CTNND1: variants seen among roughly 807,000 people sequenced by gnomAD.
CTNND1 encodes catenin delta 1.
A neutral mutation model predicts 112.1 loss-of-function variants in CTNND1; 16 were observed. The ratio of observed to expected loss-of-function variants is 0.14; its 90% CI spans 0.10 to 0.22. The LOEUF is 0.22. Ranked by LOEUF, CTNND1 falls within the 10% of genes least tolerant of loss-of-function variation. The pLI is 1.00. For synonymous variants in CTNND1, 420 were observed against 446.5 expected, an observed-to-expected ratio of 0.94 and a Z score of 0.75; for missense variants, 1,008 against 1,257.0, an observed-to-expected ratio of 0.80 and a Z score of 3.00.
At chr11:57,786,999 C>T (rs2060208583) in intron 1 of CTNND1, among the ~76,000 whole-genome samples, 2 of 152,278 alleles carry the variant, frequency 1.3e-5, no homozygotes, top group Non-Finnish European at 1.5e-5. Flanking sequence ...TGGCATAGAC[C>T]TGGGTTTAAA....
intron 1 of CTNND1, among the ~76,000 whole-genome samples, chr11:57,783,281 AAAAC>A (rs899627795): frequency 9.2e-5 from 14 of 151,824 alleles, no homozygotes; most frequent in African/African-American, 1.4e-4. Context: ...CTCCATCTCA[AAAAC>A]AAACAAACAA....
Position 57,819,037 on chromosome 11 carries a change from GAT to G in CTNND1, c.*2730_*2731del, listed in dbSNP as rs2064115828. The G allele has an allele frequency of 6.6e-6, 1 of 152,182 alleles. No individual in the cohort carries two copies. Among genetic ancestry groups the G allele is most frequent in the African/African-American group, 2.4e-5 (1 of 41,442 alleles). 9.4% of individuals were successfully genotyped at this position (152,182 alleles called of 1,614,324 possible). A position where few individuals can be genotyped will look rare whatever the true frequency, so the allele number is the denominator to read the frequency against. On this transcript the variant is annotated 3_prime_UTR_variant, in exon 21 of 21. Coordinates refer to ENST00000399050, the MANE Select transcript of CTNND1 (RefSeq NM_001085458.2). ...TACCAGGGACTATCTTTGCTGCAGA[GAT>G]CAAGGGTTAAGATCTATGGGAAGAT...
chr11:57,814,644 TA>T (rs2063745324), intron 18 of CTNND1, among the ~76,000 whole-genome samples: 1 of 152,190 alleles, frequency 6.6e-6, no homozygotes, highest in Non-Finnish European at 1.5e-5. Context: ...ATTATATTCC[TA>T]CCCCAGTCTC....
At chr11:57,804,858 AT>A in intron 9 of CTNND1, 78 bp downstream of exon 9, 2 of 1,015,644 alleles carry the variant, frequency 2.0e-6, no homozygotes, top group Non-Finnish European at 3.0e-6. Context: ...TCAGAGACCT[AT>A]CATCTCAGGC....
chr11:57,774,277 T>C (rs886532760), intron 1 of CTNND1, among the ~76,000 whole-genome samples: 2 of 152,216 alleles, frequency 1.3e-5, no homozygotes, highest in Admixed American at 6.5e-5. Flanking sequence ...TGGGATAGAA[T>C]ATGCAACCAG....
chr11:57,762,826 G>A (rs2135796948), intron 1 of CTNND1, among the ~76,000 whole-genome samples: 1 of 152,290 alleles, frequency 6.6e-6, no homozygotes, highest in South Asian at 2.1e-4. Context: ...TGTTAAATCT[G>A]CAAATACGAT....
intron 7 of CTNND1, among the ~76,000 whole-genome samples, chr11:57,803,183 C>A (rs1410465112): frequency 6.6e-6 from 1 of 152,344 alleles, no homozygotes; most frequent in African/African-American, 2.4e-5. Flanking sequence ...TCTCAGCTCA[C>A]CGCAAGCTCC....
chr11:57,774,028 C>T (rs1224436891), intron 1 of CTNND1, among the ~76,000 whole-genome samples: 1 of 152,094 alleles, frequency 6.6e-6, no homozygotes, highest in African/African-American at 2.4e-5. Context: ...CTTTTAATGC[C>T]ATTCTTCTTT....
In CTNND1 at chr11:57,794,093, G is replaced by C. The variant is rs752176301; in HGVS notation, c.267+12G>C. 1.7e-5 allele frequency: 27 copies of C among 1,612,844 alleles called. 1 individual carries two copies. The highest frequency in any genetic ancestry group is 2.2e-5 in the Non-Finnish European group (26 of 1,178,860). On this transcript the variant is annotated intron_variant, in intron 4 of 20. Transcript: ENST00000399050. Reference sequence around the variant, plus strand: ...TCAACGGACCCCAGGTAATTCTTTGGCTCAAGACCTGGGTTGCTTCATTCA... The same window carrying C: ...TCAACGGACCCCAGGTAATTCTTTGCCTCAAGACCTGGGTTGCTTCATTCA...
At position 57,808,474 on chromosome 11, in the gene CTNND1, G is replaced by T. The variant is rs749282566; in HGVS notation, c.2176G>T (p.Val726Leu). Residue 726 changes from valine to leucine, a missense_variant, in exon 14 of 21, where the codon GTG (valine) becomes TTG (leucine). Physicochemically the swap from Val to Leu is conservative, Grantham distance 32. Transcript: ENST00000399050. ...CCTCCTGACTAATGAACATGAACGG[G>T]TGGTGAAAGCTGCATCTGGAGCACT... ...ADLLTNEHERVVKAASGALRN... is the reference protein window; with the variant it reads ...ADLLTNEHERLVKAASGALRN... 6.2e-7 allele frequency: 1 copy of T among 1,613,030 alleles called. No homozygotes were observed. The highest frequency in any genetic ancestry group is 1.7e-5 in the Admixed American group (1 of 59,806).
At chr11:57,792,518 A>G (rs779090853) in intron 3 of CTNND1, among the ~76,000 whole-genome samples, 1 of 152,200 alleles carries the variant, frequency 6.6e-6, no homozygotes, top group Non-Finnish European at 1.5e-5. Context: ...TGGGAACCAG[A>G]ACAGTACTCA....
intron 1 of CTNND1, among the ~76,000 whole-genome samples, chr11:57,773,132 C>A (rs937674264): frequency 1.3e-5 from 2 of 151,648 alleles, no homozygotes; most frequent in Non-Finnish European, 2.9e-5. Flanking sequence ...ATTACTTCAT[C>A]ATATATAGAT....
At chr11:57,777,370 G>A (rs188592183) in intron 1 of CTNND1, among the ~76,000 whole-genome samples, 9 of 152,284 alleles carry the variant, frequency 5.9e-5, no homozygotes, top group Admixed American at 3.9e-4. Flanking sequence ...CCGGGCTCAA[G>A]TGATTCCCCT....
chr11:57,790,448 A>C, intron 2 of CTNND1, among the ~76,000 whole-genome samples: 1 of 143,414 alleles, frequency 7.0e-6, no homozygotes, highest in African/African-American at 2.6e-5. Context: ...CAATGGCGCG[A>C]TCTTGGCTCA....
chr11:57,803,556 T>C lies in CTNND1; in HGVS notation c.1421-65T>C, dbSNP rs1447113653. On this transcript the variant is annotated intron_variant, in intron 7 of 20. Coordinates refer to ENST00000399050, the MANE Select transcript of CTNND1 (RefSeq NM_001085458.2). ...GAAGTGATACGATAGGGGGATTCTCTTTGACGTTCTTCAGACATATTGTCT... is the reference window on the plus strand; with the variant it reads ...GAAGTGATACGATAGGGGGATTCTCCTTGACGTTCTTCAGACATATTGTCT... 6 of 1,289,796 alleles carry C rather than the reference T, an allele frequency of 4.7e-6. No homozygotes were observed. In the African/African-American group the frequency reaches 7.4e-5, roughly 16 times the overall value. The allele number at this position is 1,289,796 out of a possible 1,614,324, so 79.9% of individuals were successfully genotyped here. A position where few individuals can be genotyped will look rare whatever the true frequency, so the allele number is the denominator to read the frequency against.
At chr11:57,765,594 G>A (rs1269922053) in intron 1 of CTNND1, among the ~76,000 whole-genome samples, 3 of 150,746 alleles carry the variant, frequency 2.0e-5, no homozygotes, top group African/African-American at 4.9e-5. Flanking sequence ...AGTCTTCTGA[G>A]TAGCTAGGAC....
At chr11:57,762,400 T>C (rs1193476918) in intron 1 of CTNND1, among the ~76,000 whole-genome samples, 2 of 152,200 alleles carry the variant, frequency 1.3e-5, no homozygotes, top group African/African-American at 4.8e-5. Flanking sequence ...CTAACATATT[T>C]CTGTTTTCAG....
At chr11:57,776,562 A>G (rs1348170915) in intron 1 of CTNND1, among the ~76,000 whole-genome samples, 3 of 152,034 alleles carry the variant, frequency 2.0e-5, no homozygotes, top group Non-Finnish European at 4.4e-5. Context: ...CATCCTTCCT[A>G]CCCATTGAGT....
At chr11:57,798,677 T>C (rs1221074756) in intron 6 of CTNND1, among the ~76,000 whole-genome samples, 2 of 152,160 alleles carry the variant, frequency 1.3e-5, no homozygotes, top group African/African-American at 4.8e-5. Flanking sequence ...AAAGGAGTGA[T>C]TGATGTTTGG....
Sources: allele counts gnomAD v4.1 joint callset (sites outside exome capture counted in the v4.1 genomes callset), GRCh38; gene constraint gnomAD v4.1.1; transcripts MANE v1.5; gene names NCBI Gene and HGNC (gene_info 2026-07-23, HGNC 2026-07-21).